The following DAOA variants were observed in gnomAD, a reference collection of about 807,000 sequenced individuals.
The protein encoded by DAOA is D-amino acid oxidase regulator.
In DAOA, 15 loss-of-function variants were observed where a neutral mutation model predicts 16.4. The observed-to-expected ratio is 0.91, with a 90% CI of 0.61 to 1.41. DAOA has a LOEUF of 1.41. Ranked by LOEUF, DAOA falls within the 40% of genes most tolerant of loss-of-function variation. The probability of loss-of-function intolerance (pLI) is 0.00; values close to 1 mark genes in which losing one functional copy is unlikely to be tolerated. For synonymous variants in DAOA, 75 were observed against 59.1 expected, an observed-to-expected ratio of 1.27 and a Z score of -1.23; for missense variants, 230 against 176.8, an observed-to-expected ratio of 1.30 and a Z score of -1.71.
At chr13:105,488,436 T>A (rs1878283647) in intron 4 of DAOA, among the ~76,000 whole-genome samples, 1 of 152,238 alleles carries the variant, frequency 6.6e-6, no homozygotes, top group Non-Finnish European at 1.5e-5. Context: ...TATTTGTAAT[T>A]GGTACATTAT....
intron 3 of DAOA, among the ~76,000 whole-genome samples, chr13:105,470,054 C>CT (rs979278966): frequency 2.1e-4 from 31 of 147,068 alleles, no homozygotes; most frequent in East Asian, 5.9e-4. Context: ...ATTTGATCTA[C>CT]TTTTTTTTTG....
Position 105,471,035 on chromosome 13 carries a change from G to T in DAOA, c.134-1503G>T, listed in dbSNP as rs139500661. 8.1e-3 allele frequency among the ~76,000 whole-genome samples: 1,229 copies of T among 151,954 alleles called. 20 individuals carry two copies. Among genetic ancestry groups the T allele is most frequent in the African/African-American group, 0.028 (1,180 of 41,446 alleles). On this transcript the variant is annotated intron_variant, in intron 3 of 5. Coordinates refer to ENST00000375936, the MANE Select transcript of DAOA (RefSeq NM_172370.5). ...GATCTCCTGACCTTGTGATCCGCCC[G>T]CCTCGGCCTCCCAAAATGCTGGGAT...
At chr13:105,471,195 G>A (rs865841849) in intron 3 of DAOA, among the ~76,000 whole-genome samples, 2 of 152,246 alleles carry the variant, frequency 1.3e-5, no homozygotes, top group African/African-American at 4.8e-5. Context: ...AAAGTGCTGG[G>A]ATTATAGAAG....
chr13:105,470,306 G>A (rs1334569752), intron 3 of DAOA, among the ~76,000 whole-genome samples: 1 of 151,922 alleles, frequency 6.6e-6, no homozygotes, highest in Non-Finnish European at 1.5e-5. Context: ...CAGTTTTGGG[G>A]AAACTGGAAT....
intron 3 of DAOA, among the ~76,000 whole-genome samples, chr13:105,469,492 A>G (rs1198603613): frequency 6.6e-6 from 1 of 152,204 alleles, no homozygotes; most frequent in African/African-American, 2.4e-5. Flanking sequence ...TGAAAATTTT[A>G]AACATTTCTG....
intron 3 of DAOA, 108 bp from the exon 4 acceptor site, chr13:105,472,430 T>G: frequency 7.1e-7 from 1 of 1,403,504 alleles, no homozygotes; most frequent in African/African-American, 1.5e-5. Flanking sequence ...AAAAATTAAG[T>G]AAAATGGACA....
chr13:105,466,376 A>G, intron 2 of DAOA, 44 bp downstream of exon 2: 1 of 1,613,408 alleles, frequency 6.2e-7, no homozygotes, highest in Non-Finnish European at 8.5e-7. Flanking sequence ...CCTCAGTGCA[A>G]TGTGACATTT....
At chr13:105,476,868 A>G (rs1566377632) in intron 4 of DAOA, among the ~76,000 whole-genome samples, 1 of 151,964 alleles carries the variant, frequency 6.6e-6, no homozygotes, top group African/African-American at 2.4e-5. Flanking sequence ...TTCACCCCCT[A>G]CAGAGCCCCT....
chr13:105,487,436 C>A (rs1335711055), intron 4 of DAOA, among the ~76,000 whole-genome samples: 1 of 152,078 alleles, frequency 6.6e-6, no homozygotes, highest in Non-Finnish European at 1.5e-5. Flanking sequence ...CTGTAAGAAA[C>A]AGGACTGGCA....
Position 105,490,189 on chromosome 13 carries a change from CG to C in DAOA, c.*109del. ...TGTGTCTGGGACCCAGCTGATAACA[CG>C]TGGTAATATGTTTTATAAAATTATA... On this transcript the variant is annotated splice_region_variant and 3_prime_UTR_variant, in exon 5 of 6. Transcript: ENST00000375936. 7.9e-7 allele frequency: 1 copy of C among 1,267,528 alleles called. No individual in the cohort carries two copies. The highest frequency in any genetic ancestry group is 1.0e-6 in the Non-Finnish European group (1 of 984,742). 78.5% of individuals were successfully genotyped at this position (1,267,528 alleles called of 1,614,324 possible). A position where few individuals can be genotyped will look rare whatever the true frequency, so the allele number is the denominator to read the frequency against.
chr13:105,468,409 T>G (rs1876689377), intron 3 of DAOA, among the ~76,000 whole-genome samples: 1 of 152,226 alleles, frequency 6.6e-6, no homozygotes. Flanking sequence ...AAGGTGCAGA[T>G]GGTCAGTCTT....
rs1876509345 is a variant in DAOA, at chr13:105,466,319, C to T, written c.31C>T (p.Leu11Phe). The T allele has an allele frequency of 4.3e-6, 7 of 1,614,096 alleles. No individual in the cohort carries two copies. The highest frequency in any genetic ancestry group is 5.1e-6 in the Non-Finnish European group (6 of 1,179,968). The change falls in exon 2 of 6, where the codon CTC (leucine) becomes TTC (phenylalanine). Residue 11 changes from leucine to phenylalanine, a missense_variant. By Grantham distance (22) the Leu-to-Phe change is conservative (BLOSUM62 0). Coordinates refer to ENST00000375936, the MANE Select transcript of DAOA (RefSeq NM_172370.5). The part of the protein sequence containing the change: MLEKLMGADS[L>F]QLFRSRYTLG... ...GGAAAAGCTGATGGGTGCTGATTCT[C>T]TCCAGCTTTTCAGGTAGGTAGCTTG...
intron 4 of DAOA, among the ~76,000 whole-genome samples, chr13:105,476,254 C>T (rs1594110108): frequency 1.3e-5 from 2 of 152,206 alleles, no homozygotes; most frequent in South Asian, 2.1e-4. Context: ...AGCCTGGGAA[C>T]ATCCAGGCAC....
intron 4 of DAOA, among the ~76,000 whole-genome samples, chr13:105,483,584 A>G (rs1877899377): frequency 6.6e-6 from 1 of 152,138 alleles, no homozygotes; most frequent in African/African-American, 2.4e-5. Context: ...TTATGCTTTC[A>G]TTTGCATTTT....
At chr13:105,485,339 A>T (rs1375045318) in intron 4 of DAOA, among the ~76,000 whole-genome samples, 2 of 152,128 alleles carry the variant, frequency 1.3e-5, no homozygotes, top group African/African-American at 4.8e-5. Context: ...CACTTACTTG[A>T]TCCGTTGGAT....
chr13:105,466,418 T>C, intron 2 of DAOA, 86 bp downstream of exon 2: 1 of 1,598,778 alleles, frequency 6.3e-7, no homozygotes, highest in Non-Finnish European at 8.5e-7. Flanking sequence ...AGGGTGAATG[T>C]TCCTGGAGAC....
At chr13:105,466,369 C>G (rs1488713387) in intron 2 of DAOA, 37 bp downstream of exon 2, 1 of 1,613,486 alleles carries the variant, frequency 6.2e-7, no homozygotes, top group Admixed American at 1.7e-5. Flanking sequence ...ATGGCGGCCT[C>G]AGTGCAATGT....
At chr13:105,490,269 G>C (rs1878426577) in intron 5 of DAOA, 77 bp downstream of exon 5, 9 of 712,300 alleles carry the variant, frequency 1.3e-5, no homozygotes, top group Non-Finnish European at 1.4e-5. Flanking sequence ...TTTTTATGAA[G>C]ATTTGTTACA....
intron 4 of DAOA, among the ~76,000 whole-genome samples, chr13:105,477,399 A>C (rs908575319): frequency 6.6e-6 from 1 of 152,236 alleles, no homozygotes; most frequent in African/African-American, 2.4e-5. Flanking sequence ...ATAATCCTAC[A>C]CAAATGCCAG....
Sources: allele counts gnomAD v4.1 joint callset (sites outside exome capture counted in the v4.1 genomes callset), GRCh38; gene constraint gnomAD v4.1.1; transcripts MANE v1.5; gene names NCBI Gene and HGNC (gene_info 2026-07-23, HGNC 2026-07-21).